DNAJC24: variants seen among roughly 807,000 people sequenced by gnomAD.
DNAJC24 encodes the protein DnaJ heat shock protein family (Hsp40) member C24.
A neutral mutation model predicts 18.0 loss-of-function variants in DNAJC24; 17 were observed. The observed-to-expected ratio is 0.94, with a 90% CI of 0.65 to 1.42. DNAJC24 has a LOEUF of 1.42. Among genes scored for constraint, DNAJC24 ranks in the 40% most tolerant of loss-of-function variants. The pLI, the probability that DNAJC24 is intolerant of heterozygous loss-of-function variation, is 0.00. For synonymous variants in DNAJC24, 55 were observed against 57.7 expected, an observed-to-expected ratio of 0.95 and a Z score of 0.21; for missense variants, 158 against 175.6, an observed-to-expected ratio of 0.90 and a Z score of 0.57.
At chr11:31,425,103 T>C (rs1952848605) in intron 3 of DNAJC24, among the ~76,000 whole-genome samples, 1 of 152,192 alleles carries the variant, frequency 6.6e-6, no homozygotes, top group African/African-American at 2.4e-5. Flanking sequence ...GAACACTTGT[T>C]TTAAGCAAGA....
At chr11:31,389,045 T>TA (rs1156976706) in intron 2 of DNAJC24, among the ~76,000 whole-genome samples, 1 of 151,582 alleles carries the variant, frequency 6.6e-6, no homozygotes, top group Admixed American at 6.6e-5. Flanking sequence ...AATTAAAACA[T>TA]ACCACCGGAG....
At chr11:31,408,595 T>A (rs1489686135) in intron 2 of DNAJC24, among the ~76,000 whole-genome samples, 1 of 152,360 alleles carries the variant, frequency 6.6e-6, no homozygotes, top group East Asian at 1.9e-4. Flanking sequence ...CATGAAATAG[T>A]CATTTAGAAA....
In DNAJC24 at chr11:31,431,603, G is replaced by C. The variant is rs1469737403; in HGVS notation, c.*1202G>C. ...AAGGCAGGCGGATCACCTTTGGTCA[G>C]GAGTTCAAGACCACCCTGGCCAACA... On this transcript the variant is annotated 3_prime_UTR_variant, in exon 5 of 5. Coordinates refer to ENST00000465995, the MANE Select transcript of DNAJC24 (RefSeq NM_181706.5). 1 of 151,356 alleles carries C rather than the reference G, an allele frequency of 6.6e-6. No individual in the cohort carries two copies. Among genetic ancestry groups the C allele is most frequent in the Non-Finnish European group, 1.5e-5 (1 of 67,876 alleles). The allele number at this position is 151,356 out of a possible 1,614,324, so 9.4% of individuals were successfully genotyped here. A position where few individuals can be genotyped will look rare whatever the true frequency, so the allele number is the denominator to read the frequency against.
chr11:31,379,190 G>A (rs1299735894), intron 2 of DNAJC24, among the ~76,000 whole-genome samples: 1 of 152,146 alleles, frequency 6.6e-6, no homozygotes, highest in East Asian at 1.9e-4. Context: ...TAGGAACCAG[G>A]CCATGCAGCA....
At chr11:31,403,434 A>T (rs1952622451) in intron 2 of DNAJC24, among the ~76,000 whole-genome samples, 1 of 152,216 alleles carries the variant, frequency 6.6e-6, no homozygotes. Flanking sequence ...TCAACACATG[A>T]AGTATATACA....
intron 2 of DNAJC24, among the ~76,000 whole-genome samples, chr11:31,391,117 A>G (rs552799207): frequency 6.6e-5 from 10 of 152,210 alleles, no homozygotes; most frequent in African/African-American, 1.7e-4. Context: ...AATCATTTCA[A>G]TTGATACTGA....
chr11:31,388,503 T>G (rs1278982943), intron 2 of DNAJC24, among the ~76,000 whole-genome samples: 1 of 152,112 alleles, frequency 6.6e-6, no homozygotes, highest in African/African-American at 2.4e-5. Flanking sequence ...TATTCTAGAA[T>G]AGTATATCCA....
chr11:31,421,818 T>C (rs1434788593), intron 3 of DNAJC24, among the ~76,000 whole-genome samples: 2 of 152,156 alleles, frequency 1.3e-5, no homozygotes, highest in African/African-American at 4.8e-5. Context: ...CAAATGGAGC[T>C]GAAAAAAAAC....
intron 2 of DNAJC24, among the ~76,000 whole-genome samples, chr11:31,371,104 G>C (rs757807141): frequency 2.0e-5 from 3 of 152,156 alleles, no homozygotes; most frequent in African/African-American, 7.2e-5. Flanking sequence ...TTATCTGTGA[G>C]AATTTGGACA....
intron 2 of DNAJC24, among the ~76,000 whole-genome samples, chr11:31,376,384 T>C (rs1952315342): frequency 6.6e-6 from 1 of 152,244 alleles, no homozygotes; most frequent in Non-Finnish European, 1.5e-5. Flanking sequence ...TATATTACAG[T>C]TCAGCGCAAT....
rs565326834 is a variant in DNAJC24, at chr11:31,408,206, C to G, written c.112-6605C>G. On this transcript the variant is annotated intron_variant, in intron 2 of 4. Coordinates refer to ENST00000465995, the MANE Select transcript of DNAJC24 (RefSeq NM_181706.5). ...GTGAAGCACTCATCTTCTGACTTGC[C>G]CATGAATTCCTTGTTTTAAGCAGTC... is the stretch of plus-strand genomic sequence containing the variant. 2.6e-5 allele frequency: 12 copies of G among 456,058 alleles called. No homozygotes were observed. The East Asian group carries it at 8.3e-4, about 32-fold the overall frequency. The allele number at this position is 456,058 out of a possible 1,614,324, so 28.3% of individuals were successfully genotyped here.
chr11:31,407,970 T>C lies in DNAJC24; in HGVS notation c.112-6841T>C, dbSNP rs16922156. 7.7e-4 allele frequency: 295 copies of C among 382,280 alleles called. 6 individuals carry two copies. In the East Asian group the frequency reaches 0.02, roughly 26 times the overall value. 23.7% of individuals were successfully genotyped at this position (382,280 alleles called of 1,614,324 possible). A position where few individuals can be genotyped will look rare whatever the true frequency, so the allele number is the denominator to read the frequency against. On this transcript the variant is annotated intron_variant, in intron 2 of 4. Coordinates refer to ENST00000465995, the MANE Select transcript of DNAJC24 (RefSeq NM_181706.5). Reference sequence around the variant, plus strand: ...GCATATTGTTCACATTTCATCAGCATCTTCATCTGTGACATAAGATGGTAT... The same window carrying C: ...GCATATTGTTCACATTTCATCAGCACCTTCATCTGTGACATAAGATGGTAT...
intron 3 of DNAJC24, among the ~76,000 whole-genome samples, chr11:31,418,580 T>G (rs1952773744): frequency 6.6e-6 from 1 of 152,112 alleles, no homozygotes; most frequent in Non-Finnish European, 1.5e-5. Context: ...AAATAATGTT[T>G]AAAAGAATAG....
intron 3 of DNAJC24, chr11:31,415,920 C>T (rs1191581043): frequency 6.6e-6 from 1 of 152,156 alleles, no homozygotes; most frequent in African/African-American, 2.4e-5. Flanking sequence ...ATTTTTAAAA[C>T]ACAGCATTAT....
intron 3 of DNAJC24, chr11:31,415,720 A>C (rs1490324514): frequency 6.6e-6 from 1 of 152,160 alleles, no homozygotes; most frequent in African/African-American, 2.4e-5. Context: ...TGGGGAAAAC[A>C]CTCAGTCGCT....
At chr11:31,385,261 T>G (rs1241802847) in intron 2 of DNAJC24, among the ~76,000 whole-genome samples, 2 of 152,210 alleles carry the variant, frequency 1.3e-5, no homozygotes, top group Non-Finnish European at 2.9e-5. Flanking sequence ...AACCATGTTT[T>G]GTTTGAGCCA....
chr11:31,405,370 A>G (rs1591913625), intron 2 of DNAJC24, among the ~76,000 whole-genome samples: 1 of 146,994 alleles, frequency 6.8e-6, no homozygotes, highest in Non-Finnish European at 1.5e-5. Context: ...GCACCCAGCC[A>G]GGAATTTTTT....
chr11:31,380,336 A>G (rs996007490), intron 2 of DNAJC24, among the ~76,000 whole-genome samples: 1 of 152,210 alleles, frequency 6.6e-6, no homozygotes, highest in East Asian at 1.9e-4. Flanking sequence ...CATGCAACGA[A>G]CTTACAGACC....
At chr11:31,423,256 TTTTG>T (rs1207529674) in intron 3 of DNAJC24, among the ~76,000 whole-genome samples, 1 of 151,972 alleles carries the variant, frequency 6.6e-6, no homozygotes, top group African/African-American at 2.4e-5. Flanking sequence ...AAGCCTCTGG[TTTTG>T]TTTTTGTTTT....
Sources: gnomAD v4.1 joint callset for allele counts (sites outside exome capture counted in the v4.1 genomes callset) on GRCh38, gnomAD v4.1.1 for gene constraint, MANE v1.5 for transcripts, NCBI Gene and HGNC (gene_info 2026-07-23, HGNC 2026-07-21) for gene names.